The following BASP1 variants were observed in gnomAD, a reference collection of about 807,000 sequenced individuals.
The protein encoded by BASP1 is brain abundant membrane attached signal protein 1.
In BASP1, 1 loss-of-function variant was observed where a neutral mutation model predicts 2.2. The observed-to-expected ratio is 0.46, with a 90% CI of 0.16 to 2.17. BASP1 has a LOEUF of 2.17. Among genes scored for constraint, BASP1 ranks in the 30% most tolerant of loss-of-function variants. BASP1 has a pLI of 0.27. For missense variants in BASP1, 352 were observed against 327.2 expected, an observed-to-expected ratio of 1.08 and a Z score of -0.58; for synonymous variants, 187 against 154.2, an observed-to-expected ratio of 1.21 and a Z score of -1.58.
intron 1 of BASP1, among the ~76,000 whole-genome samples, chr5:17,229,554 C>T (rs1739578380): frequency 6.6e-6 from 1 of 152,084 alleles, no homozygotes; most frequent in Admixed American, 6.5e-5. Flanking sequence ...GTTCCCTCCT[C>T]ACTTTGTGTT....
intron 1 of BASP1, among the ~76,000 whole-genome samples, chr5:17,262,848 TTC>T (rs201201902): frequency 1.4e-5 from 2 of 147,338 alleles, no homozygotes; most frequent in African/African-American, 5.4e-5. Flanking sequence ...AGATCAAATC[TTC>T]TTTTTTTTTT....
intron 1 of BASP1, among the ~76,000 whole-genome samples, chr5:17,255,643 A>G (rs536581965): frequency 2.7e-4 from 41 of 152,312 alleles, no homozygotes; most frequent in African/African-American, 9.9e-4. Flanking sequence ...GAAGTTGTAG[A>G]GATGCAAGGC....
chr5:17,260,404 C>T lies in BASP1; in HGVS notation c.-9-14804C>T, dbSNP rs1425845502. ...GAGATTCACCTTTAAAAATTGGTCT[C>T]TACAATATGCACATAGTAACAAAAG... On this transcript the variant is annotated intron_variant, in intron 1 of 1. Coordinates refer to ENST00000322611, the MANE Select transcript of BASP1 (RefSeq NM_006317.5). This position sits in a 1 kb window ranked among gnomAD's most constrained non-coding sequence, Gnocchi z 4.2. 6.6e-6 allele frequency among the ~76,000 whole-genome samples: 1 copy of T among 151,958 alleles called. No individual in the cohort carries two copies. The highest frequency in any genetic ancestry group is 2.4e-5 in the African/African-American group (1 of 41,360).
intron 1 of BASP1, among the ~76,000 whole-genome samples, chr5:17,263,916 C>T (rs1561175849): frequency 6.6e-6 from 1 of 152,208 alleles, no homozygotes; most frequent in Admixed American, 6.5e-5. Context: ...CCCCAGAGGA[C>T]ATCTGCATCC....
chr5:17,219,975 T>A (rs1194354953), intron 1 of BASP1, among the ~76,000 whole-genome samples: 5 of 152,202 alleles, frequency 3.3e-5, no homozygotes, highest in African/African-American at 4.8e-5. Flanking sequence ...GATGATCTAT[T>A]TTCCAGGTTA....
intron 1 of BASP1, among the ~76,000 whole-genome samples, chr5:17,242,909 T>C (rs1209409952): frequency 6.6e-6 from 1 of 151,982 alleles, no homozygotes; most frequent in Non-Finnish European, 1.5e-5. Flanking sequence ...TTCTTTGTGT[T>C]TGGGGGCAGG....
intron 1 of BASP1, among the ~76,000 whole-genome samples, chr5:17,271,027 C>T (rs973328066): frequency 1.3e-5 from 2 of 152,214 alleles, no homozygotes; most frequent in African/African-American, 2.4e-5. Context: ...CCTCTCTCTA[C>T]TACTGTTTAT....
intron 1 of BASP1, among the ~76,000 whole-genome samples, chr5:17,230,010 C>G (rs1263605047): frequency 6.6e-6 from 1 of 152,056 alleles, no homozygotes; most frequent in Non-Finnish European, 1.5e-5. Context: ...GTCTTGAACT[C>G]CAAAGTGCTG....
chr5:17,240,799 G>A (rs1382129848), intron 1 of BASP1: 1 of 152,130 alleles, frequency 6.6e-6, no homozygotes, highest in Non-Finnish European at 1.5e-5. Flanking sequence ...ACTGTGAGAA[G>A]TAAGTATTGA....
chr5:17,252,784 T>C (rs1740128707), intron 1 of BASP1, among the ~76,000 whole-genome samples: 1 of 152,234 alleles, frequency 6.6e-6, no homozygotes, highest in African/African-American at 2.4e-5. Flanking sequence ...CCTTTAGACC[T>C]GAATCACACT....
chr5:17,224,978 C>T (rs768344430), intron 1 of BASP1, among the ~76,000 whole-genome samples: 21 of 152,198 alleles, frequency 1.4e-4, no homozygotes, highest in Non-Finnish European at 2.4e-4. Context: ...TAACCACTAT[C>T]GAAACCTCAG....
intron 1 of BASP1, among the ~76,000 whole-genome samples, chr5:17,265,460 A>C (rs1444277564): frequency 2.6e-5 from 4 of 152,234 alleles, no homozygotes; most frequent in African/African-American, 7.2e-5. Context: ...TTCATTACCC[A>C]TAATTTTGCT....
At chr5:17,261,299 A>G (rs1238868246) in intron 1 of BASP1, among the ~76,000 whole-genome samples, 1 of 152,218 alleles carries the variant, frequency 6.6e-6, no homozygotes, top group Non-Finnish European at 1.5e-5. Context: ...GTTGTTTCAC[A>G]CAATAAGACC....
chr5:17,227,538 C>T (rs184265988), intron 1 of BASP1, among the ~76,000 whole-genome samples: 2 of 152,022 alleles, frequency 1.3e-5, no homozygotes, highest in African/African-American at 2.4e-5. Context: ...AGTAGCTGGG[C>T]CTACAGGTGC....
chr5:17,230,718 C>G (rs1051955123), intron 1 of BASP1, among the ~76,000 whole-genome samples: 3 of 152,042 alleles, frequency 2.0e-5, no homozygotes, highest in Non-Finnish European at 2.9e-5. Flanking sequence ...TGTGTGCCAC[C>G]ATGCCTGGCT....
At position 17,275,216 on chromosome 5, in the gene BASP1, G is replaced by A; in HGVS notation, c.-1G>A. On this transcript the variant is annotated 5_prime_UTR_variant, in exon 2 of 2. Coordinates refer to ENST00000322611, the MANE Select transcript of BASP1 (RefSeq NM_006317.5). This position sits in a 1 kb window ranked among gnomAD's most constrained non-coding sequence, Gnocchi z 5.3. ...TTTGTGTTTGCTTCCAGAACTCCAA[G>A]ATGGGAGGCAAGCTCAGCAAGAAGA... 1 of 1,613,438 alleles carries A rather than the reference G, an allele frequency of 6.2e-7. No homozygotes were observed. Among genetic ancestry groups the A allele is most frequent in the Non-Finnish European group, 8.5e-7 (1 of 1,179,874 alleles).
chr5:17,218,289 G>T (rs1739309371), intron 1 of BASP1, among the ~76,000 whole-genome samples: 1 of 149,486 alleles, frequency 6.7e-6, no homozygotes, highest in Non-Finnish European at 1.5e-5. Flanking sequence ...GGGTGGGGTG[G>T]GGCGGGAGTC....
intron 1 of BASP1, among the ~76,000 whole-genome samples, chr5:17,241,870 A>C (rs1244266782): frequency 6.6e-6 from 1 of 152,180 alleles, no homozygotes; most frequent in Non-Finnish European, 1.5e-5. Context: ...AAGTACGTGG[A>C]GCTGGCACGC....
Position 17,275,233 on chromosome 5 carries a change from G to C in BASP1, c.17G>C (p.Ser6Thr), listed in dbSNP as rs1740608331. The stretch of plus-strand genomic sequence containing the variant: ...AACTCCAAGATGGGAGGCAAGCTCA[G>C]CAAGAAGAAGAAGGGCTACAATGTG... MGGKLSKKKKGYNVND... is the reference protein window; with the variant it reads MGGKLTKKKKGYNVND... The change falls in exon 2 of 2, where the codon AGC (serine) becomes ACC (threonine). Residue 6 changes from serine (S) to threonine (T), a missense_variant. Transcript: ENST00000322611. The surrounding 1 kb of genome is among the most constrained non-coding windows in gnomAD (Gnocchi z 5.3). The C allele has an allele frequency of 6.2e-7, 1 of 1,613,618 alleles. No individual in the cohort carries two copies. Among genetic ancestry groups the C allele is most frequent in the South Asian group, 1.1e-5 (1 of 91,068 alleles).
Sources: gnomAD v4.1 joint callset for allele counts (sites outside exome capture counted in the v4.1 genomes callset) on GRCh38, gnomAD v4.1.1 for gene constraint, Gnocchi (gnomAD v3.1) non-coding constraint, MANE v1.5 for transcripts, NCBI Gene and HGNC (gene_info 2026-07-23, HGNC 2026-07-21) for gene names.